Variants in ESRP1 observed in about 807,000 individuals in gnomAD.
The protein encoded by ESRP1 is RNA-binding motif protein 35A.
Under a neutral mutation model 81.7 loss-of-function variants are expected in ESRP1, and 33 were observed. The ratio of observed to expected loss-of-function variants is 0.40; its 90% CI spans 0.31 to 0.54. The LOEUF is 0.54. Ranked by LOEUF, ESRP1 falls within the 20% of genes least tolerant of loss-of-function variation. The pLI is 0.41. For missense variants in ESRP1, 672 were observed against 833.1 expected (o/e 0.81, Z 2.38); for synonymous variants, 320 against 303.3 (o/e 1.06, Z -0.57).
intron 12 of ESRP1, 92 bp from the exon 13 acceptor site, chr8:94,678,111 T>G: frequency 7.5e-7 from 1 of 1,339,690 alleles, no homozygotes; most frequent in Non-Finnish European, 1.0e-6. Flanking sequence ...CTTTAAAATG[T>G]GTAGATGGAA....
rs181122695 is a variant in ESRP1 at position 94,664,269 on chromosome 8, G to A, written c.645-428G>A. On this transcript the variant is annotated intron_variant, in intron 6 of 15. Coordinates refer to ENST00000433389, the MANE Select transcript of ESRP1 (RefSeq NM_017697.4). ...CTCCCAAGTAACTGGGATTATAAGC[G>A]TACACCACCATGCCCGGCTAATTTC... 5.1e-3 allele frequency among the ~76,000 whole-genome samples: 770 copies of A among 152,042 alleles called. 5 individuals carry two copies. The highest frequency in any genetic ancestry group is 7.6e-3 in the Non-Finnish European group (515 of 67,970).
intron 4 of ESRP1, among the ~76,000 whole-genome samples, chr8:94,653,346 G>T (rs530476817): frequency 6.6e-6 from 1 of 152,036 alleles, no homozygotes; most frequent in Non-Finnish European, 1.5e-5. Flanking sequence ...GAACACTGGG[G>T]GCAACTTATT....
chr8:94,669,575 T>C (rs1819199727), intron 10 of ESRP1, among the ~76,000 whole-genome samples: 3 of 152,120 alleles, frequency 2.0e-5, no homozygotes, highest in African/African-American at 7.2e-5. Flanking sequence ...CAATTTAAAA[T>C]TTAAATCTGG....
chr8:94,691,778 CA>C (rs1269981727), intron 13 of ESRP1, among the ~76,000 whole-genome samples: 1 of 152,066 alleles, frequency 6.6e-6, no homozygotes, highest in Non-Finnish European at 1.5e-5. Context: ...TCCAAAGTTG[CA>C]AGTCTATATT....
chr8:94,699,793 A>G (rs1809746621), intron 15 of ESRP1, among the ~76,000 whole-genome samples: 1 of 152,194 alleles, frequency 6.6e-6, no homozygotes, highest in South Asian at 2.1e-4. Flanking sequence ...AGAAGTCACT[A>G]ATAATCTCAC....
intron 13 of ESRP1, among the ~76,000 whole-genome samples, chr8:94,692,387 G>A (rs1022782910): frequency 1.3e-5 from 2 of 152,004 alleles, no homozygotes; most frequent in African/African-American, 4.8e-5. Context: ...GGTGCTTTGC[G>A]GTGGAGTTGA....
intron 14 of ESRP1, among the ~76,000 whole-genome samples, chr8:94,694,561 T>G (rs58855099): frequency 0.02 from 3,100 of 152,292 alleles, 97 homozygotes; most frequent in African/African-American, 0.069. Flanking sequence ...CCAAGATCAC[T>G]GCACTGCACT....
chr8:94,704,765 T>TAAA (rs1809990119), intron 15 of ESRP1, among the ~76,000 whole-genome samples: 3 of 37,962 alleles, frequency 7.9e-5, no homozygotes, highest in South Asian at 6.5e-4. Context: ...CATCTCTTTT[T>TAAA]GAAAAAAAAA....
intron 13 of ESRP1, among the ~76,000 whole-genome samples, chr8:94,689,912 G>A (rs6471462): frequency 0.35 from 51,286 of 148,248 alleles, 9,459 homozygotes; most frequent in East Asian, 0.56. Flanking sequence ...CATCTCCCAG[G>A]TTCATGCCAT....
At chr8:94,681,325 CAAAAAAAAAAAAA>C (rs1171703394) in intron 13 of ESRP1, among the ~76,000 whole-genome samples, 5 of 31,268 alleles carry the variant, frequency 1.6e-4, no homozygotes, top group Admixed American at 8.9e-4. Flanking sequence ...GACTCCATCT[CAAAAAAAAAAAAA>C]AAAAAAAAAA....
In ESRP1 at chr8:94,641,404, A is replaced by G; in HGVS notation, c.86A>G (p.Glu29Gly). 1 of 1,613,822 alleles carries G rather than the reference A, an allele frequency of 6.2e-7. No individual in the cohort carries two copies. ...TGAKLGSDEK[E>G]LILLFWKVVD... The stretch of plus-strand genomic sequence containing the variant: ...GCCAAGCTAGGCTCGGATGAGAAGG[A>G]GTTGATCCTGCTGTTCTGGAAAGTC... Residue 29 changes from glutamate (E) to glycine (G), a missense_variant, in exon 1 of 16, where the codon GAG (glutamate) becomes GGG (glycine). Glu to Gly is a moderately conservative substitution (Grantham distance 98). Transcript: ENST00000433389.
intron 10 of ESRP1, among the ~76,000 whole-genome samples, chr8:94,670,527 A>G (rs1819263392): frequency 6.6e-6 from 1 of 152,112 alleles, no homozygotes; most frequent in Non-Finnish European, 1.5e-5. Context: ...GGGTTCATTG[A>G]TTCTTCTATA....
intron 4 of ESRP1, chr8:94,656,295 T>G (rs1818416656): frequency 6.6e-6 from 1 of 152,056 alleles, no homozygotes; most frequent in Non-Finnish European, 1.5e-5. Flanking sequence ...CCCGGCTCAC[T>G]GCAAGCTCCG....
intron 14 of ESRP1, among the ~76,000 whole-genome samples, chr8:94,695,371 T>TTTTTTTTTTTTTTTTC (rs1351009238): frequency 1.5e-4 from 17 of 111,996 alleles, no homozygotes; most frequent in African/African-American, 3.8e-4. Flanking sequence ...TTTTTTTTTT[T>TTTTTTTTTTTTTTTTC]TGAGACGGAG....
chr8:94,644,066 T>A (rs1030698391), intron 3 of ESRP1, among the ~76,000 whole-genome samples: 1 of 152,172 alleles, frequency 6.6e-6, no homozygotes, highest in African/African-American at 2.4e-5. Context: ...ATCTTTTACC[T>A]TTGCTCATTT....
At chr8:94,660,185 G>C (rs1368222574) in intron 4 of ESRP1, among the ~76,000 whole-genome samples, 2 of 152,226 alleles carry the variant, frequency 1.3e-5, no homozygotes, top group Non-Finnish European at 2.9e-5. Flanking sequence ...AACATAGCTA[G>C]AGAGGATAAA....
Position 94,672,015 on chromosome 8 carries a change from A to C in ESRP1, c.1452+344A>C, listed in dbSNP as rs1404616137. ...TTTCTTCATCACAAATATCCATCACATTATCAATAGCGTCAAGTAGGCATG... is the reference window on the plus strand; with the variant it reads ...TTTCTTCATCACAAATATCCATCACCTTATCAATAGCGTCAAGTAGGCATG... On this transcript the variant is annotated intron_variant, in intron 11 of 15. Transcript: ENST00000433389. Among the ~76,000 whole-genome samples, 5 of 152,176 alleles carry C rather than the reference A, an allele frequency of 3.3e-5. No individual in the cohort carries two copies. The South Asian group carries it at 1.0e-3, about 31-fold the overall frequency.
intron 2 of ESRP1, 147 bp from the exon 3 acceptor site, chr8:94,643,156 A>G (rs1817696399): frequency 4.1e-6 from 2 of 483,920 alleles, no homozygotes; most frequent in Non-Finnish European, 7.5e-6. Flanking sequence ...TTCGTGGGAA[A>G]GGAGTCTGTC....
At chr8:94,641,679 C>T in intron 1 of ESRP1, 1 of 739,282 alleles carries the variant, frequency 1.4e-6, no homozygotes, top group Non-Finnish European at 2.1e-6. Flanking sequence ...GCCGGCGCTA[C>T]CGAGCCGGGT....
Sources: gnomAD v4.1 joint callset for allele counts (sites outside exome capture counted in the v4.1 genomes callset) on GRCh38, gnomAD v4.1.1 for gene constraint, MANE v1.5 for transcripts, NCBI Gene and HGNC (gene_info 2026-07-23, HGNC 2026-07-21) for gene names.